Variants in CD300A observed in about 807,000 individuals in gnomAD.
The protein encoded by CD300A is CD300a molecule, also known as CMRF35-like molecule 8.
In CD300A, 22 loss-of-function variants were observed where a neutral mutation model predicts 33.6. That is an observed-to-expected ratio of 0.66 (90% CI 0.47 to 0.94). CD300A has a LOEUF of 0.94. Ranked by LOEUF, CD300A falls within the 40% of genes least tolerant of loss-of-function variation. CD300A has a pLI of 0.00. For missense variants in CD300A, 326 were observed against 360.5 expected, an observed-to-expected ratio of 0.90 and a Z score of 0.77; for synonymous variants, 136 against 148.1, an observed-to-expected ratio of 0.92 and a Z score of 0.59.
chr17:74,479,569 C>A (rs1906700442), intron 4 of CD300A, among the ~76,000 whole-genome samples: 1 of 152,164 alleles, frequency 6.6e-6, no homozygotes, highest in Admixed American at 6.5e-5. Context: ...TCATACCACT[C>A]ATTCTCTTTT....
chr17:74,473,959 A>AGTGT (rs146853349), intron 2 of CD300A, 85 bp downstream of exon 2: 30 of 1,411,964 alleles, frequency 2.1e-5, no homozygotes, highest in Middle Eastern at 1.8e-4. Flanking sequence ...TGAAGCAGAC[A>AGTGT]GTGTGTGTGT....
At chr17:74,473,971 T>C (rs1906288881) in intron 2 of CD300A, 97 bp downstream of exon 2, 3 of 1,389,782 alleles carry the variant, frequency 2.2e-6, no homozygotes, top group East Asian at 2.3e-5. Context: ...TGTGTGTGTG[T>C]GTGTGCGTAA....
At position 74,481,810 on chromosome 17, in the gene CD300A, G is replaced by A. The variant is rs1567985011; in HGVS notation, c.751G>A (p.Val251Met). ...GGAAAAGCCAGCACCACCAAGGGAG[G>A]TGGAGGTGGAATACAGCACTGTGGT... ...LQEKPAPPRE[V>M]EVEYSTVASP... Residue 251 changes from valine (V) to methionine (M), a missense_variant, in exon 6 of 7, where the codon GTG (valine) becomes ATG (methionine). Physicochemically the swap from Val to Met is conservative, Grantham distance 21. Transcript: ENST00000360141. 6.2e-7 allele frequency: 1 copy of A among 1,612,120 alleles called. No individual in the cohort carries two copies. Among genetic ancestry groups the A allele is most frequent in the Non-Finnish European group, 8.5e-7 (1 of 1,179,394 alleles).
intron 1 of CD300A, among the ~76,000 whole-genome samples, chr17:74,472,332 A>C (rs1906160081): frequency 6.6e-6 from 1 of 152,020 alleles, no homozygotes; most frequent in Non-Finnish European, 1.5e-5. Flanking sequence ...TAATCACAGA[A>C]TTACAAGGGC....
chr17:74,475,429 G>T (rs923890872), intron 3 of CD300A, among the ~76,000 whole-genome samples: 1 of 152,142 alleles, frequency 6.6e-6, no homozygotes, highest in African/African-American at 2.4e-5. Context: ...GAAGCAATTT[G>T]CCCAGTCAAG....
intron 1 of CD300A, 198 bp downstream of exon 1, chr17:74,466,941 C>T: frequency 1.0e-5 from 15 of 1,436,302 alleles, no homozygotes; most frequent in Non-Finnish European, 1.4e-5. Context: ...GGGCCTCTCC[C>T]GGCTCTGCAC....
chr17:74,477,298 G>A (rs1906529509), intron 3 of CD300A, 138 bp from the exon 4 acceptor site: 1 of 572,966 alleles, frequency 1.7e-6, no homozygotes, highest in Admixed American at 3.0e-5. Flanking sequence ...GCTGCAGTGA[G>A]CCATGATCAC....
chr17:74,483,905 A>G (rs966578996), intron 6 of CD300A, 96 bp from the exon 7 acceptor site: 1 of 1,436,536 alleles, frequency 7.0e-7, no homozygotes, highest in African/African-American at 1.4e-5. Context: ...GGCCTCCCCA[A>G]AGCCCCTCAG....
chr17:74,467,879 G>A (rs369224886), intron 1 of CD300A, among the ~76,000 whole-genome samples: 2 of 152,214 alleles, frequency 1.3e-5, no homozygotes, highest in South Asian at 2.1e-4. Context: ...TGGTACAGCC[G>A]GAGTGAGGCC....
At chr17:74,481,592 G>A (rs532349345) in intron 5 of CD300A, 134 bp from the exon 6 acceptor site, 9 of 700,732 alleles carry the variant, frequency 1.3e-5, no homozygotes, top group Non-Finnish European at 2.0e-5. Flanking sequence ...TGGACGGAGT[G>A]GGGTGGAGGC....
At chr17:74,466,827 C>G in intron 1 of CD300A, 84 bp downstream of exon 1, 2 of 1,548,212 alleles carry the variant, frequency 1.3e-6, no homozygotes, top group Non-Finnish European at 1.7e-6. Flanking sequence ...TCACACGAGA[C>G]GCCCCGAGTC....
At chr17:74,470,319 C>G in intron 1 of CD300A, 5 of 848,022 alleles carry the variant, frequency 5.9e-6, no homozygotes, top group Non-Finnish European at 7.1e-6. Flanking sequence ...ACAGGTGGAA[C>G]AGAGCTTTGG....
intron 1 of CD300A, among the ~76,000 whole-genome samples, chr17:74,468,282 C>T (rs1196920508): frequency 6.6e-6 from 1 of 152,204 alleles, no homozygotes; most frequent in Admixed American, 6.5e-5. Context: ...GATCCACTCA[C>T]CTTGGCCTCC....
At chr17:74,474,430 C>T in intron 2 of CD300A, 102 bp from the exon 3 acceptor site, 1 of 1,195,220 alleles carries the variant, frequency 8.4e-7, no homozygotes, top group Non-Finnish European at 1.2e-6. Context: ...CTGCCCCCTT[C>T]CTTAGTGGGC....
intron 1 of CD300A, 86 bp from the exon 2 acceptor site, chr17:74,473,450 C>A: frequency 7.6e-7 from 1 of 1,315,250 alleles, no homozygotes; most frequent in South Asian, 1.4e-5. Context: ...CCTCCACACC[C>A]CCAGGGTCCA....
intron 1 of CD300A, among the ~76,000 whole-genome samples, chr17:74,467,342 C>A (rs1406386776): frequency 6.6e-6 from 1 of 152,146 alleles, no homozygotes; most frequent in East Asian, 1.9e-4. Flanking sequence ...CCCGAGGCAG[C>A]CTTGGCTGGG....
chr17:74,469,389 C>T (rs536540965), intron 1 of CD300A, among the ~76,000 whole-genome samples: 53 of 152,068 alleles, frequency 3.5e-4, no homozygotes, highest in African/African-American at 1.2e-3. Context: ...TATTCTTGGC[C>T]TACATTGATG....
intron 2 of CD300A, 65 bp from the exon 3 acceptor site, chr17:74,474,467 G>A: frequency 6.5e-7 from 1 of 1,538,060 alleles, no homozygotes; most frequent in Non-Finnish European, 8.9e-7. Flanking sequence ...AACCAAAAAG[G>A]CATCCTGAGT....
intron 3 of CD300A, among the ~76,000 whole-genome samples, chr17:74,475,017 A>G (rs1906370160): frequency 6.6e-6 from 1 of 152,192 alleles, no homozygotes; most frequent in Non-Finnish European, 1.5e-5. Context: ...TCCGTGTATT[A>G]GTCTGTTTTC....
Sources: allele counts gnomAD v4.1 joint callset (sites outside exome capture counted in the v4.1 genomes callset), GRCh38; gene constraint gnomAD v4.1.1; transcripts MANE v1.5; gene names NCBI Gene and HGNC (gene_info 2026-07-23, HGNC 2026-07-21).